Variants in CAMKMT observed in about 807,000 individuals in gnomAD.
CAMKMT encodes the protein CaM KMT.
CAMKMT carries 53 observed loss-of-function variants against 48.0 expected under a neutral mutation model. That is an observed-to-expected ratio of 1.10 (90% CI 0.89 to 1.39). The LOEUF (loss-of-function observed/expected upper bound fraction) is 1.39, where lower values mean the gene tolerates loss of function less well. Among genes scored for constraint, CAMKMT ranks in the 40% most tolerant of loss-of-function variants. CAMKMT has a pLI of 0.00. For synonymous variants in CAMKMT, 165 were observed against 152.3 expected (o/e 1.08, Z -0.61); for missense variants, 428 against 402.7 (o/e 1.06, Z -0.54).
chr2:44,649,585 G>A (rs915020242), intron 3 of CAMKMT, among the ~76,000 whole-genome samples: 1 of 152,168 alleles, frequency 6.6e-6, no homozygotes, highest in African/African-American at 2.4e-5. Flanking sequence ...TTCATAGGAT[G>A]TATGCAGATG....
chr2:44,421,421 T>G (rs1026762003), intron 3 of CAMKMT, among the ~76,000 whole-genome samples: 4 of 152,298 alleles, frequency 2.6e-5, no homozygotes, highest in African/African-American at 9.6e-5. Flanking sequence ...AATTCCTTTT[T>G]AGAAATGTAT....
intron 3 of CAMKMT, among the ~76,000 whole-genome samples, chr2:44,433,463 T>C (rs1558610741): frequency 6.6e-6 from 1 of 152,196 alleles, no homozygotes; most frequent in African/African-American, 2.4e-5. Context: ...TTTCATAAGT[T>C]TGTATACGAA....
At chr2:44,610,533 G>C (rs1190960624) in intron 3 of CAMKMT, among the ~76,000 whole-genome samples, 1 of 152,094 alleles carries the variant, frequency 6.6e-6, no homozygotes. Context: ...CTAAAGTTTC[G>C]ATGGACAAAA....
chr2:44,429,277 A>ATG (rs34628835), intron 3 of CAMKMT, among the ~76,000 whole-genome samples: 2,955 of 147,122 alleles, frequency 0.02, 49 homozygotes, highest in African/African-American at 0.051. Context: ...GTGTGTGTGT[A>ATG]TGTGTGTGTG....
intron 3 of CAMKMT, among the ~76,000 whole-genome samples, chr2:44,683,762 G>A (rs1395050508): frequency 1.5e-5 from 2 of 137,798 alleles, no homozygotes; most frequent in Admixed American, 8.1e-5. Context: ...GGCAGAGCTT[G>A]CAGTGAGCCG....
rs918354426 is a variant in CAMKMT at position 44,741,435 on chromosome 2, A to C, written c.624-2187A>C. ...ACAATACAACTCCAGGTACTGTATG[A>C]ATGGTGCTCTTAGAATGTTCAAGGA... is the stretch of plus-strand genomic sequence containing the variant. On this transcript the variant is annotated intron_variant, in intron 7 of 10. Transcript: ENST00000378494. Among the ~76,000 whole-genome samples the C allele has an allele frequency of 2.6e-5, 4 of 152,232 alleles. No homozygotes were observed. The South Asian group carries it at 8.3e-4, about 32-fold the overall frequency.
intron 3 of CAMKMT, among the ~76,000 whole-genome samples, chr2:44,667,668 G>A (rs187471871): frequency 7.9e-5 from 12 of 151,858 alleles, no homozygotes; most frequent in Non-Finnish European, 1.3e-4. Flanking sequence ...ACCTACCCCC[G>A]CAGTCATACC....
intron 3 of CAMKMT, among the ~76,000 whole-genome samples, chr2:44,572,558 G>A (rs72881178): frequency 0.015 from 2,212 of 152,254 alleles, 39 homozygotes; most frequent in African/African-American, 0.043. Context: ...GGTTATTTCC[G>A]TCTGTTGGCT....
intron 3 of CAMKMT, among the ~76,000 whole-genome samples, chr2:44,672,046 C>T (rs924596932): frequency 4.6e-5 from 7 of 152,200 alleles, no homozygotes; most frequent in African/African-American, 1.7e-4. Context: ...TGACCTGCCC[C>T]GACAGGATGA....
At chr2:44,703,206 G>T (rs1677351342) in intron 3 of CAMKMT, among the ~76,000 whole-genome samples, 1 of 152,032 alleles carries the variant, frequency 6.6e-6, no homozygotes, top group Non-Finnish European at 1.5e-5. Context: ...ATACAAAAAA[G>T]CATAAAGAAA....
chr2:44,690,660 T>C (rs1246297921), intron 3 of CAMKMT, among the ~76,000 whole-genome samples: 1 of 152,158 alleles, frequency 6.6e-6, no homozygotes, highest in Non-Finnish European at 1.5e-5. Flanking sequence ...GTAGTAAGTG[T>C]TCAACAAGTG....
chr2:44,716,018 T>A (rs190126889), intron 7 of CAMKMT, among the ~76,000 whole-genome samples: 1 of 152,224 alleles, frequency 6.6e-6, no homozygotes, highest in African/African-American at 2.4e-5. Flanking sequence ...TGTTCTGTGA[T>A]GCTACATTTT....
chr2:44,409,100 T>TTGCTACATAAAGAAA (rs370838017), intron 3 of CAMKMT, among the ~76,000 whole-genome samples: 1 of 3,234 alleles, frequency 3.1e-4, no homozygotes, highest in Non-Finnish European at 6.1e-4. Flanking sequence ...TATATATATA[T>TTGCTACATAAAGAAA]ATATATATAT....
intron 7 of CAMKMT, among the ~76,000 whole-genome samples, chr2:44,741,733 G>T (rs1347090507): frequency 6.6e-6 from 1 of 152,116 alleles, no homozygotes; most frequent in East Asian, 1.9e-4. Context: ...ATTTATTTTA[G>T]AGTCATGACT....
chr2:44,655,693 C>T (rs750120167), intron 3 of CAMKMT, among the ~76,000 whole-genome samples: 51 of 152,102 alleles, frequency 3.4e-4, no homozygotes, highest in Non-Finnish European at 5.7e-4. Context: ...CAGTTTTGCA[C>T]GCGATAGGAT....
At chr2:44,637,034 GA>G (rs1018034065) in intron 3 of CAMKMT, among the ~76,000 whole-genome samples, 13 of 151,918 alleles carry the variant, frequency 8.6e-5, no homozygotes, top group African/African-American at 2.7e-4. Flanking sequence ...GGTAAGAGGG[GA>G]AAAAAAATGG....
chr2:44,448,377 C>T (rs1163653125), intron 3 of CAMKMT, among the ~76,000 whole-genome samples: 2 of 152,174 alleles, frequency 1.3e-5, no homozygotes, highest in African/African-American at 2.4e-5. Context: ...CTACACTTTA[C>T]CTGTCCACTT....
At chr2:44,725,974 G>T (rs1678761084) in intron 7 of CAMKMT, among the ~76,000 whole-genome samples, 1 of 152,250 alleles carries the variant, frequency 6.6e-6, no homozygotes, top group East Asian at 1.9e-4. Context: ...CTGATAGGTA[G>T]TTTTTTAAAA....
At chr2:44,713,101 A>G (rs1677971956) in intron 6 of CAMKMT, among the ~76,000 whole-genome samples, 2 of 152,170 alleles carry the variant, frequency 1.3e-5, no homozygotes, top group Non-Finnish European at 2.9e-5. Flanking sequence ...TAGAATATAA[A>G]TACATATGTT....
Sources: gnomAD v4.1 joint callset for allele counts (sites outside exome capture counted in the v4.1 genomes callset) on GRCh38, gnomAD v4.1.1 for gene constraint, MANE v1.5 for transcripts, NCBI Gene and HGNC (gene_info 2026-07-23, HGNC 2026-07-21) for gene names.